The following MEGF11 variants were observed in gnomAD, a reference collection of about 807,000 sequenced individuals.
MEGF11 encodes the protein multiple epidermal growth factor-like domains protein 11.
Under a neutral mutation model 146.6 loss-of-function variants are expected in MEGF11, and 126 were observed. That is an observed-to-expected ratio of 0.86 (90% CI 0.74 to 1.00). The LOEUF (loss-of-function observed/expected upper bound fraction) is 1.00, where lower values mean the gene tolerates loss of function less well. Among genes scored for constraint, MEGF11 ranks in the 50% least tolerant of loss-of-function variants. MEGF11 has a pLI of 0.00. For synonymous variants in MEGF11, 532 were observed against 583.4 expected (o/e 0.91, Z 1.27); for missense variants, 1,509 against 1,521.2 (o/e 0.99, Z 0.13).
intron 4 of MEGF11, among the ~76,000 whole-genome samples, chr15:66,102,487 A>C (rs937708840): frequency 1.7e-4 from 25 of 147,036 alleles, no homozygotes; most frequent in Non-Finnish European, 3.7e-4. Flanking sequence ...AGGCTGGAGC[A>C]GCCATCACAG....
At chr15:66,074,235 C>T (rs1013848319) in intron 5 of MEGF11, among the ~76,000 whole-genome samples, 8 of 152,178 alleles carry the variant, frequency 5.3e-5, no homozygotes, top group African/African-American at 1.9e-4. Flanking sequence ...CATTATTTTG[C>T]ATGCTTTTAC....
chr15:66,081,055 C>T (rs1280303840), intron 5 of MEGF11, among the ~76,000 whole-genome samples: 1 of 152,234 alleles, frequency 6.6e-6, no homozygotes, highest in Non-Finnish European at 1.5e-5. Flanking sequence ...ACCCTCTGCA[C>T]ACCCACTGCA....
At chr15:65,944,506 G>A (rs1456790749) in intron 10 of MEGF11, among the ~76,000 whole-genome samples, 2 of 152,158 alleles carry the variant, frequency 1.3e-5, no homozygotes, top group East Asian at 1.9e-4. Flanking sequence ...AGGGGTTAGG[G>A]AAGGGTGATG....
chr15:66,190,582 G>A (rs1052782918), intron 1 of MEGF11, among the ~76,000 whole-genome samples: 1 of 152,176 alleles, frequency 6.6e-6, no homozygotes, highest in Admixed American at 6.5e-5. Context: ...TGGAGGAAGA[G>A]GGTTTGTAGG....
At position 65,916,947 on chromosome 15, in the gene MEGF11, G is replaced by C. The variant is rs1423616159; in HGVS notation, c.2096C>G (p.Pro699Arg). ...IGKDCSQACPPGFWGPACFHA... is the reference protein window; with the variant it reads ...IGKDCSQACPRGFWGPACFHA... ...GAAGCAGGCGGGGCCCCAGAACCCGGGTGGGCAAGCTGGGATGTCGGTGAA... is the reference window on the plus strand; with the variant it reads ...GAAGCAGGCGGGGCCCCAGAACCCGCGTGGGCAAGCTGGGATGTCGGTGAA... Residue 699 changes from proline (P) to arginine (R), a missense_variant, in exon 17 of 26, where the codon CCC (proline) becomes CGC (arginine). Coordinates refer to ENST00000395614, the MANE Select transcript of MEGF11 (RefSeq NM_001385028.1). 6.6e-7 allele frequency: 1 copy of C among 1,517,000 alleles called. No individual in the cohort carries two copies. Among genetic ancestry groups the C allele is most frequent in the African/African-American group, 1.4e-5 (1 of 71,862 alleles). The allele number at this position is 1,517,000 out of a possible 1,614,324, so 94.0% of individuals were successfully genotyped here.
intron 22 of MEGF11, 90 bp from the exon 23 acceptor site, chr15:65,909,225 G>A (rs2078720473): frequency 1.1e-6 from 1 of 928,868 alleles, no homozygotes; most frequent in Non-Finnish European, 1.7e-6. Flanking sequence ...GTGGGCCAGG[G>A]TCAGGGTGAG....
Position 66,227,524 on chromosome 15 carries a change from G to A in MEGF11, c.-9+26081C>T, listed in dbSNP as rs549031054. 2.9e-4 allele frequency among the ~76,000 whole-genome samples: 44 copies of A among 152,162 alleles called. 1 individual carries two copies. The South Asian group carries it at 8.3e-3, about 29-fold the overall frequency. ...ACGGCCAAGTGGGAGAACTGAACTC[G>A]GGCCTTCCTTCTAACGCCAGGAATT... is the stretch of plus-strand genomic sequence containing the variant. On this transcript the variant is annotated intron_variant, in intron 1 of 25. Coordinates refer to ENST00000395614, the MANE Select transcript of MEGF11 (RefSeq NM_001385028.1).
At position 66,202,898 on chromosome 15, in the gene MEGF11, G is replaced by T. The variant is rs185377773; in HGVS notation, c.-9+50707C>A. ...TCAGGAAAAGACGCCACTTATTTCA[G>T]CCGTGCTGACCTGGTCTTTCCACCC... On this transcript the variant is annotated intron_variant, in intron 1 of 25. Coordinates refer to ENST00000395614, the MANE Select transcript of MEGF11 (RefSeq NM_001385028.1). Among the ~76,000 whole-genome samples, 442 of 152,318 alleles carry T rather than the reference G, an allele frequency of 2.9e-3. 2 individuals carry two copies. The highest frequency in any genetic ancestry group is 9.6e-3 in the African/African-American group (401 of 41,574).
At chr15:65,959,243 G>C (rs2080771205) in intron 9 of MEGF11, among the ~76,000 whole-genome samples, 1 of 152,208 alleles carries the variant, frequency 6.6e-6, no homozygotes, top group African/African-American at 2.4e-5. Context: ...CACACTGGAG[G>C]TGCTTAATAT....
intron 5 of MEGF11, among the ~76,000 whole-genome samples, chr15:66,007,501 G>A (rs539560092): frequency 6.6e-6 from 1 of 152,298 alleles, no homozygotes; most frequent in South Asian, 2.1e-4. Flanking sequence ...TGTAATCCTA[G>A]TACCCTGGGA....
chr15:66,086,173 C>T (rs2086101015), intron 5 of MEGF11, among the ~76,000 whole-genome samples: 1 of 152,024 alleles, frequency 6.6e-6, no homozygotes, highest in African/African-American at 2.4e-5. Flanking sequence ...ATTAAAAGAT[C>T]AAACCTAAGA....
intron 5 of MEGF11, among the ~76,000 whole-genome samples, chr15:66,078,513 G>T (rs1323850367): frequency 1.3e-5 from 2 of 152,208 alleles, no homozygotes; most frequent in African/African-American, 4.8e-5. Context: ...TGACATTCTT[G>T]GGGGCAGGGC....
chr15:66,088,718 C>A (rs980499346), intron 5 of MEGF11, among the ~76,000 whole-genome samples: 1 of 151,632 alleles, frequency 6.6e-6, no homozygotes, highest in African/African-American at 2.4e-5. Flanking sequence ...GGACATTATG[C>A]TAAGTGAAAT....
At chr15:66,026,001 C>T (rs1000026551) in intron 5 of MEGF11, among the ~76,000 whole-genome samples, 2 of 152,218 alleles carry the variant, frequency 1.3e-5, no homozygotes, top group Non-Finnish European at 2.9e-5. Context: ...ACTAGTGGCT[C>T]CTCACCTTAG....
chr15:66,202,682 T>C (rs572226164), intron 1 of MEGF11, among the ~76,000 whole-genome samples: 3 of 152,242 alleles, frequency 2.0e-5, no homozygotes, highest in African/African-American at 7.2e-5. Flanking sequence ...CTTCCCTTTC[T>C]GGAAACTTCC....
chr15:65,991,979 C>T (rs867095467), intron 5 of MEGF11, among the ~76,000 whole-genome samples: 3 of 152,304 alleles, frequency 2.0e-5, no homozygotes, highest in South Asian at 4.1e-4. Context: ...TGTCAGAACA[C>T]GGGGTGATGA....
chr15:65,992,069 G>A (rs1455960401), intron 5 of MEGF11, among the ~76,000 whole-genome samples: 2 of 152,336 alleles, frequency 1.3e-5, no homozygotes, highest in East Asian at 1.9e-4. Context: ...GCCCGGGAGC[G>A]GGCAGTGTCT....
intron 8 of MEGF11, 66 bp from the exon 9 acceptor site, chr15:65,965,186 C>G: frequency 7.3e-7 from 1 of 1,372,162 alleles, no homozygotes; most frequent in East Asian, 2.5e-5. Context: ...TCAAGATCCT[C>G]CAGGATGTGG....
At chr15:65,927,912 G>A (rs994557027) in intron 13 of MEGF11, among the ~76,000 whole-genome samples, 19 of 152,216 alleles carry the variant, frequency 1.2e-4, no homozygotes, top group African/African-American at 4.6e-4. Context: ...TGGCAGATCT[G>A]GGTTTGAAAA....
Sources: allele counts gnomAD v4.1 joint callset (sites outside exome capture counted in the v4.1 genomes callset), GRCh38; gene constraint gnomAD v4.1.1; transcripts MANE v1.5; gene names NCBI Gene and HGNC (gene_info 2026-07-23, HGNC 2026-07-21).